Variants in CPNE8 observed in about 807,000 individuals in gnomAD.
CPNE8 encodes the protein copine 8, also known as copine-8.
CPNE8 carries 45 observed loss-of-function variants against 81.5 expected under a neutral mutation model. The ratio of observed to expected loss-of-function variants is 0.55; its 90% CI spans 0.44 to 0.71. The LOEUF (loss-of-function observed/expected upper bound fraction) is 0.71. CPNE8 is among the 30% of genes least tolerant of loss of function. The probability of loss-of-function intolerance (pLI) is 0.00; values close to 1 mark genes in which losing one functional copy is unlikely to be tolerated. For synonymous variants in CPNE8, 252 were observed against 226.3 expected (o/e 1.11, Z -1.02); for missense variants, 594 against 672.1 (o/e 0.88, Z 1.28).
intron 3 of CPNE8, among the ~76,000 whole-genome samples, chr12:38,853,632 T>G (rs1286486633): frequency 6.6e-6 from 1 of 152,100 alleles, no homozygotes; most frequent in African/African-American, 2.4e-5. Flanking sequence ...CCTTTTAAAA[T>G]TCCAAGCAAA....
chr12:38,736,894 A>G (rs1352121), intron 10 of CPNE8, among the ~76,000 whole-genome samples: 57,903 of 151,872 alleles, frequency 0.38, 11,630 homozygotes, highest in Middle Eastern at 0.47. Context: ...CTAGAATTAT[A>G]TAAATTAGAA....
chr12:38,719,675 C>T (rs566965104), intron 13 of CPNE8, among the ~76,000 whole-genome samples: 13 of 150,934 alleles, frequency 8.6e-5, no homozygotes, highest in Non-Finnish European at 1.8e-4. Flanking sequence ...TTTAAAGATA[C>T]ATAATACAAT....
At chr12:38,734,091 T>C (rs1489719213) in intron 10 of CPNE8, among the ~76,000 whole-genome samples, 2 of 152,016 alleles carry the variant, frequency 1.3e-5, no homozygotes, top group Non-Finnish European at 2.9e-5. Context: ...TCCTATATTA[T>C]ATTAAACCCA....
intron 10 of CPNE8, among the ~76,000 whole-genome samples, chr12:38,742,895 T>G (rs1941142907): frequency 6.6e-6 from 1 of 151,854 alleles, no homozygotes; most frequent in African/African-American, 2.4e-5. Flanking sequence ...AGTAGCATGA[T>G]CCGTAAACAT....
At chr12:38,798,991 A>G (rs71461477) in intron 6 of CPNE8, among the ~76,000 whole-genome samples, 4 of 152,186 alleles carry the variant, frequency 2.6e-5, no homozygotes, top group African/African-American at 7.2e-5. Context: ...TTCAATAAGA[A>G]GAGCTAACTG....
chr12:38,812,864 A>G (rs1171214153), intron 6 of CPNE8, among the ~76,000 whole-genome samples: 2 of 152,304 alleles, frequency 1.3e-5, no homozygotes, highest in Non-Finnish European at 2.9e-5. Context: ...CTGTGCCTTG[A>G]TCTTGGATTC....
At chr12:38,892,017 C>T (rs1418138375) in intron 1 of CPNE8, among the ~76,000 whole-genome samples, 1 of 152,150 alleles carries the variant, frequency 6.6e-6, no homozygotes, top group African/African-American at 2.4e-5. Context: ...TGTCTGGGAA[C>T]TCCAAGGAAG....
chr12:38,663,933 G>T (rs1364193745), intron 19 of CPNE8, among the ~76,000 whole-genome samples: 2 of 152,176 alleles, frequency 1.3e-5, no homozygotes, highest in Admixed American at 1.3e-4. Flanking sequence ...TGATCTCATA[G>T]AAATAGAGAG....
chr12:38,867,299 T>C (rs1943928186), intron 3 of CPNE8, among the ~76,000 whole-genome samples: 1 of 149,420 alleles, frequency 6.7e-6, no homozygotes, highest in South Asian at 2.1e-4. Context: ...GTTTGTTGAA[T>C]AGTATAGTGT....
intron 18 of CPNE8, among the ~76,000 whole-genome samples, chr12:38,674,120 G>T (rs1457410589): frequency 6.6e-6 from 1 of 152,020 alleles, no homozygotes; most frequent in Non-Finnish European, 1.5e-5. Context: ...TAACAAATTT[G>T]CTGGGAACTA....
chr12:38,685,645 C>A, intron 15 of CPNE8, 28 bp from the exon 16 acceptor site: 1 of 1,600,356 alleles, frequency 6.2e-7, no homozygotes, highest in Non-Finnish European at 8.5e-7. Context: ...CAAAACAAAA[C>A]AAAACAACAG....
At chr12:38,728,733 G>T in intron 11 of CPNE8, among the ~76,000 whole-genome samples, 1 of 152,014 alleles carries the variant, frequency 6.6e-6, no homozygotes. Context: ...AATTTTTTTG[G>T]TTGCTTGATA....
intron 1 of CPNE8, among the ~76,000 whole-genome samples, chr12:38,902,381 A>AAAGAAAG (rs1555172171): frequency 5.2e-5 from 3 of 57,782 alleles, no homozygotes; most frequent in African/African-American, 2.7e-4. Flanking sequence ...AGAAAGAAAG[A>AAAGAAAG]AAAGAAAGAA....
At chr12:38,693,423 A>C (rs1939722875) in intron 15 of CPNE8, among the ~76,000 whole-genome samples, 1 of 152,110 alleles carries the variant, frequency 6.6e-6, no homozygotes, top group Admixed American at 6.6e-5. Context: ...TAGATAACCA[A>C]AATAGACCCC....
chr12:38,850,953 G>C (rs935682737), intron 3 of CPNE8, among the ~76,000 whole-genome samples: 4 of 152,106 alleles, frequency 2.6e-5, no homozygotes, highest in Admixed American at 1.3e-4. Flanking sequence ...AAGTGATTAG[G>C]CCATGAGGGC....
intron 1 of CPNE8, among the ~76,000 whole-genome samples, chr12:38,881,632 T>C (rs1031090771): frequency 7.9e-5 from 12 of 152,178 alleles, no homozygotes; most frequent in Non-Finnish European, 1.2e-4. Context: ...TAACAGAAAT[T>C]TGAGGAGAGG....
At chr12:38,655,156 T>C (rs758756544) in intron 19 of CPNE8, among the ~76,000 whole-genome samples, 2 of 152,186 alleles carry the variant, frequency 1.3e-5, no homozygotes, top group Non-Finnish European at 1.5e-5. Flanking sequence ...TTTGTGGTTT[T>C]TCAATGGCAA....
At chr12:38,770,683 C>G (rs1484671919) in intron 7 of CPNE8, among the ~76,000 whole-genome samples, 1 of 152,178 alleles carries the variant, frequency 6.6e-6, no homozygotes, top group Non-Finnish European at 1.5e-5. Flanking sequence ...GCTCAATCAA[C>G]TCCCACTGCT....
At chr12:38,840,516 C>G (rs1411939491) in intron 4 of CPNE8, among the ~76,000 whole-genome samples, 1 of 152,032 alleles carries the variant, frequency 6.6e-6, no homozygotes, top group Non-Finnish European at 1.5e-5. Flanking sequence ...TACAACTTCA[C>G]GTGAATGAAT....
Sources: gnomAD v4.1 joint callset for allele counts (sites outside exome capture counted in the v4.1 genomes callset) on GRCh38, gnomAD v4.1.1 for gene constraint, MANE v1.5 for transcripts, NCBI Gene and HGNC (gene_info 2026-07-23, HGNC 2026-07-21) for gene names.